KCNQ5: variants seen among roughly 807,000 people sequenced by gnomAD.
KCNQ5 encodes the protein potassium voltage-gated channel subfamily KQT member 5.
Under a neutral mutation model 98.2 loss-of-function variants are expected in KCNQ5, and 30 were observed. That is an observed-to-expected ratio of 0.31 (90% CI 0.23 to 0.41). KCNQ5 has a LOEUF of 0.41. KCNQ5 is among the 10% of genes least tolerant of loss of function. The pLI is 1.00. For synonymous variants in KCNQ5, 458 were observed against 449.4 expected (o/e 1.02, Z -0.24); for missense variants, 835 against 1,182.5 (o/e 0.71, Z 4.31).
intron 1 of KCNQ5, among the ~76,000 whole-genome samples, chr6:72,858,420 C>T (rs1432458686): frequency 1.3e-5 from 2 of 151,874 alleles, no homozygotes; most frequent in African/African-American, 4.8e-5. Context: ...TTTGCTGACA[C>T]ATATAAATTT....
intron 1 of KCNQ5, among the ~76,000 whole-genome samples, chr6:72,707,984 A>G (rs1769175705): frequency 6.6e-6 from 1 of 152,184 alleles, no homozygotes; most frequent in South Asian, 2.1e-4. Flanking sequence ...GCCTCAAGCC[A>G]GAATGTCTTG....
intron 11 of KCNQ5, among the ~76,000 whole-genome samples, chr6:73,173,486 T>C (rs575890336): frequency 2.0e-5 from 3 of 152,296 alleles, no homozygotes; most frequent in Non-Finnish European, 4.4e-5. Context: ...ATATAGCCCA[T>C]AAATTACCTA....
At chr6:73,045,565 C>T (rs1582249793) in intron 3 of KCNQ5, among the ~76,000 whole-genome samples, 1 of 152,172 alleles carries the variant, frequency 6.6e-6, no homozygotes, top group African/African-American at 2.4e-5. Flanking sequence ...AGACTGGCTG[C>T]TTTATGATTT....
chr6:73,133,557 C>A lies in KCNQ5; in HGVS notation c.1384C>A (p.Gln462Lys). 6.2e-7 allele frequency: 1 copy of A among 1,614,232 alleles called. No homozygotes were observed. The highest frequency in any genetic ancestry group is 8.5e-7 in the Non-Finnish European group (1 of 1,180,038). The stretch of plus-strand genomic sequence containing the variant: ...AGCCGAGGGCAGTCCCACCAAAGTG[C>A]AGAAGAGCTGGAGCTTCAACGACCG... Reference protein sequence around the residue: ...ITAEGSPTKVQKSWSFNDRTR... With the variant: ...ITAEGSPTKVKKSWSFNDRTR... Residue 462 changes from glutamine to lysine, a missense_variant, in exon 10 of 14, where the codon CAG becomes AAG. Gln to Lys is a moderately conservative substitution (Grantham distance 53). This residue lies in a region of KCNQ5 where 146 missense variants were observed against 256.7 expected (regional missense o/e 0.57). Transcript: ENST00000370398.
intron 6 of KCNQ5, among the ~76,000 whole-genome samples, chr6:73,105,838 A>G (rs1446463764): frequency 1.3e-5 from 2 of 152,178 alleles, no homozygotes; most frequent in Non-Finnish European, 2.9e-5. Flanking sequence ...TCATTGTGTC[A>G]TCATCATTGA....
At chr6:72,918,714 G>T (rs1450552656) in intron 1 of KCNQ5, among the ~76,000 whole-genome samples, 1 of 152,036 alleles carries the variant, frequency 6.6e-6, no homozygotes, top group Non-Finnish European at 1.5e-5. Context: ...GGCCTAGAGA[G>T]CCACCAAATA....
intron 1 of KCNQ5, among the ~76,000 whole-genome samples, chr6:72,854,093 T>C (rs1777415111): frequency 6.6e-6 from 1 of 152,146 alleles, no homozygotes; most frequent in Non-Finnish European, 1.5e-5. Flanking sequence ...TAAACGGATA[T>C]ACCATGAGAA....
intron 6 of KCNQ5, among the ~76,000 whole-genome samples, chr6:73,107,352 A>G (rs1425871703): frequency 2.0e-5 from 3 of 152,208 alleles, no homozygotes; most frequent in African/African-American, 7.2e-5. Flanking sequence ...TGGTTTCACA[A>G]TTCTTTGAAG....
At chr6:72,694,036 C>A (rs771243300) in intron 1 of KCNQ5, among the ~76,000 whole-genome samples, 16 of 152,094 alleles carry the variant, frequency 1.1e-4, no homozygotes, top group Non-Finnish European at 1.6e-4. Context: ...CACATGAATG[C>A]CAGCTGTCTT....
At chr6:72,846,090 A>G (rs1043701198) in intron 1 of KCNQ5, among the ~76,000 whole-genome samples, 2 of 152,144 alleles carry the variant, frequency 1.3e-5, no homozygotes, top group African/African-American at 4.8e-5. Context: ...TTAATGGGTG[A>G]ACGATTGTTA....
chr6:72,854,758 T>TTGTGTGTGTGTGTGTGTGTGTGTGTGTG (rs34867008), intron 1 of KCNQ5, among the ~76,000 whole-genome samples: 1 of 127,108 alleles, frequency 7.9e-6, no homozygotes, highest in African/African-American at 3.0e-5. Flanking sequence ...ACACCATGGT[T>TTGTGTGTGTGTGTGTGTGTGTGTGTGTG]TGTGTGTGTG....
At position 73,169,800 on chromosome 6, in the gene KCNQ5, A is replaced by C; in HGVS notation, c.1523A>C (p.Asp508Ala). The change falls in exon 11 of 14, where the codon GAT becomes GCT. Residue 508 changes from aspartate (D) to alanine (A), a missense_variant. Coordinates refer to ENST00000370398, the MANE Select transcript of KCNQ5 (RefSeq NM_019842.4). ...TATGATGAAAAAGGATGCCAGTGTG[A>C]TGTATCAGTGGAAGACCTCACCCCA... ...DVYDEKGCQCDVSVEDLTPPL... is the reference protein window; with the variant it reads ...DVYDEKGCQCAVSVEDLTPPL... 6.2e-7 allele frequency: 1 copy of C among 1,614,100 alleles called. No individual in the cohort carries two copies. The highest frequency in any genetic ancestry group is 8.5e-7 in the Non-Finnish European group (1 of 1,179,946).
chr6:72,971,115 A>C (rs1767873263), intron 1 of KCNQ5, among the ~76,000 whole-genome samples: 1 of 152,234 alleles, frequency 6.6e-6, no homozygotes, highest in Admixed American at 6.5e-5. Context: ...CAAAGGGCTA[A>C]TATCCAGAAT....
chr6:72,623,540 G>A (rs1251254150), intron 1 of KCNQ5, among the ~76,000 whole-genome samples: 12 of 152,034 alleles, frequency 7.9e-5, no homozygotes, highest in Admixed American at 7.9e-4. Context: ...GTTTACTACT[G>A]TTTTTCCCAC....
chr6:72,687,238 T>TAATC (rs756109605), intron 1 of KCNQ5, among the ~76,000 whole-genome samples: 3 of 152,208 alleles, frequency 2.0e-5, no homozygotes, highest in Non-Finnish European at 2.9e-5. Flanking sequence ...CCACTGACAT[T>TAATC]GATTGTCTGG....
intron 10 of KCNQ5, chr6:73,134,756 C>CG (rs1776398243): frequency 6.6e-6 from 1 of 152,400 alleles, no homozygotes; most frequent in Non-Finnish European, 1.5e-5. Flanking sequence ...CCCATATGGG[C>CG]GCAAGACGGC....
chr6:72,919,820 C>T (rs6929515), intron 1 of KCNQ5, among the ~76,000 whole-genome samples: 39,776 of 151,958 alleles, frequency 0.26, 5,456 homozygotes, highest in Non-Finnish European at 0.3. Flanking sequence ...TTGTCTCTGA[C>T]GTTCCATGCC....
chr6:73,035,419 T>C (rs537951103), intron 2 of KCNQ5, among the ~76,000 whole-genome samples: 2 of 152,342 alleles, frequency 1.3e-5, no homozygotes, highest in Admixed American at 1.3e-4. Flanking sequence ...ATTCTGAATA[T>C]TATTCACTAA....
intron 1 of KCNQ5, among the ~76,000 whole-genome samples, chr6:72,734,114 G>C (rs1770698825): frequency 6.6e-6 from 1 of 152,196 alleles, no homozygotes; most frequent in Non-Finnish European, 1.5e-5. Flanking sequence ...CTTGAGATTA[G>C]ATCTTGTTGA....
Sources: gnomAD v4.1 joint callset for allele counts (sites outside exome capture counted in the v4.1 genomes callset) on GRCh38, gnomAD v4.1.1 for gene constraint, gnomAD v4.1.1 regional missense constraint, MANE v1.5 for transcripts, NCBI Gene and HGNC (gene_info 2026-07-23, HGNC 2026-07-21) for gene names.